Variants in ACOXL observed in about 807,000 individuals in gnomAD.
ACOXL encodes the protein acyl-coenzyme A oxidase-like protein.
Under a neutral mutation model 71.9 loss-of-function variants are expected in ACOXL, and 70 were observed. The ratio of observed to expected loss-of-function variants is 0.97; its 90% CI spans 0.80 to 1.19. ACOXL has a LOEUF of 1.19. Among genes scored for constraint, ACOXL ranks in the 50% most tolerant of loss-of-function variants. The pLI is 0.00. For synonymous variants in ACOXL, 253 were observed against 281.6 expected, an observed-to-expected ratio of 0.90 and a Z score of 1.02; for missense variants, 703 against 736.3, an observed-to-expected ratio of 0.95 and a Z score of 0.52.
At chr2:111,045,633 AT>A (rs1217689982) in intron 15 of ACOXL, among the ~76,000 whole-genome samples, 15 of 151,986 alleles carry the variant, frequency 9.9e-5, no homozygotes, top group African/African-American at 3.6e-4. Context: ...TGAAAACCTA[AT>A]GGTTTTCACC....
intron 3 of ACOXL, among the ~76,000 whole-genome samples, chr2:110,790,224 T>C (rs940132499): frequency 6.6e-6 from 1 of 152,200 alleles, no homozygotes; most frequent in East Asian, 1.9e-4. Context: ...TTCCAGGTAG[T>C]GGCTCCGTTG....
At chr2:110,848,237 T>G (rs1692155954) in intron 10 of ACOXL, among the ~76,000 whole-genome samples, 1 of 152,192 alleles carries the variant, frequency 6.6e-6, no homozygotes, top group Admixed American at 6.5e-5. Flanking sequence ...CTTTCTGCCC[T>G]TTTTTCCCCT....
In ACOXL at chr2:110,805,146, T is replaced by C. The variant is rs1458385087; in HGVS notation, c.621-117T>C. ...TCGGCGCTCTGTCTCAAGGGGGAAG[T>C]TCCACGATGGGGAAATCCGAGTGCT... On this transcript the variant is annotated intron_variant, in intron 8 of 17. Transcript: ENST00000439055. 9 of 1,380,506 alleles carry C rather than the reference T, an allele frequency of 6.5e-6. No individual in the cohort carries two copies. The African/African-American group carries it at 8.6e-5, about 13-fold the overall frequency. The allele number at this position is 1,380,506 out of a possible 1,614,324, so 85.5% of individuals were successfully genotyped here. A position where few individuals can be genotyped will look rare whatever the true frequency, so the allele number is the denominator to read the frequency against.
intron 11 of ACOXL, among the ~76,000 whole-genome samples, chr2:110,926,781 C>T (rs2060285838): frequency 6.6e-6 from 1 of 152,126 alleles, no homozygotes; most frequent in African/African-American, 2.4e-5. Context: ...GCCTTCCTTC[C>T]CTGTCATCTC....
At chr2:111,077,646 G>C (rs765684224) in intron 16 of ACOXL, among the ~76,000 whole-genome samples, 1 of 151,906 alleles carries the variant, frequency 6.6e-6, no homozygotes, top group Non-Finnish European at 1.5e-5. Context: ...TTTTCTCATT[G>C]GTAATTTTTT....
At chr2:110,784,579 G>A (rs963633082) in intron 2 of ACOXL, among the ~76,000 whole-genome samples, 153 bp from the exon 3 acceptor site, 4 of 152,198 alleles carry the variant, frequency 2.6e-5, no homozygotes, top group African/African-American at 9.7e-5. Flanking sequence ...ATTTACTTTA[G>A]TAGAATGATG....
At chr2:111,084,899 G>GAAA (rs113297442) in intron 16 of ACOXL, among the ~76,000 whole-genome samples, 2 of 112,916 alleles carry the variant, frequency 1.8e-5, no homozygotes, top group Non-Finnish European at 3.6e-5. Flanking sequence ...TGGAAAACAG[G>GAAA]AAAAAAAAAA....
rs557459733 is a variant in ACOXL at position 110,805,501 on chromosome 2, A to G, written c.753+106A>G. ...AGCTTCTGGAGCCACAGTTGGTATA[A>G]TATGGCCAGGGTTCCCGGTTAGATG... On this transcript the variant is annotated intron_variant, in intron 9 of 17. Coordinates refer to ENST00000439055, the MANE Select transcript of ACOXL (RefSeq NM_001142807.4). 32 of 1,487,024 alleles carry G rather than the reference A, an allele frequency of 2.2e-5. 1 individual carries two copies. In the South Asian group the frequency reaches 3.6e-4, roughly 17 times the overall value. The allele number at this position is 1,487,024 out of a possible 1,614,324, so 92.1% of individuals were successfully genotyped here.
At chr2:110,850,657 G>A (rs927720390) in intron 10 of ACOXL, among the ~76,000 whole-genome samples, 3 of 152,068 alleles carry the variant, frequency 2.0e-5, no homozygotes, top group Non-Finnish European at 4.4e-5. Flanking sequence ...AAAAAACCAC[G>A]CTGATAATAT....
At chr2:110,846,641 G>GCGCACA (rs148602789) in intron 10 of ACOXL, among the ~76,000 whole-genome samples, 1,634 of 138,000 alleles carry the variant, frequency 0.012, 18 homozygotes, top group South Asian at 0.045. Context: ...ATGCATACAC[G>GCGCACA]CACACACACA....
intron 14 of ACOXL, among the ~76,000 whole-genome samples, chr2:111,015,674 C>T (rs1374008616): frequency 6.6e-6 from 1 of 152,098 alleles, no homozygotes; most frequent in African/African-American, 2.4e-5. Context: ...CAGGAATGCT[C>T]ATAACAGCTT....
intron 10 of ACOXL, among the ~76,000 whole-genome samples, chr2:110,859,039 A>G (rs914344369): frequency 6.6e-6 from 1 of 152,252 alleles, no homozygotes. Context: ...TTAAAGGTCA[A>G]ATTGCAAAGT....
chr2:110,786,536 C>G (rs1446194498), intron 3 of ACOXL, among the ~76,000 whole-genome samples: 3 of 152,220 alleles, frequency 2.0e-5, no homozygotes, highest in Non-Finnish European at 4.4e-5. Flanking sequence ...GGTCCAGACT[C>G]TCATGATCCC....
chr2:110,916,333 G>A (rs972355946), intron 11 of ACOXL, among the ~76,000 whole-genome samples: 4 of 151,824 alleles, frequency 2.6e-5, no homozygotes, highest in Non-Finnish European at 5.9e-5. Context: ...TGAAATTAAG[G>A]CAGAAATAAA....
At chr2:110,811,805 G>A (rs1351844083) in intron 9 of ACOXL, among the ~76,000 whole-genome samples, 6 of 145,964 alleles carry the variant, frequency 4.1e-5, no homozygotes, top group African/African-American at 1.5e-4. Flanking sequence ...GAGAGAAGCA[G>A]GACCTACTTG....
At chr2:110,834,971 T>G (rs1690272574) in intron 9 of ACOXL, among the ~76,000 whole-genome samples, 1 of 152,232 alleles carries the variant, frequency 6.6e-6, no homozygotes, top group African/African-American at 2.4e-5. Flanking sequence ...TCAGGCTCTT[T>G]GTGGGGAGCA....
At chr2:110,973,874 T>C in intron 12 of ACOXL, among the ~76,000 whole-genome samples, 1 of 152,214 alleles carries the variant, frequency 6.6e-6, no homozygotes, top group East Asian at 1.9e-4. Flanking sequence ...CTTAACAGCC[T>C]GGCCAGGCAG....
At chr2:110,909,667 A>G (rs1358315115) in intron 11 of ACOXL, among the ~76,000 whole-genome samples, 1 of 151,478 alleles carries the variant, frequency 6.6e-6, no homozygotes, top group Admixed American at 6.6e-5. Context: ...TTTGAAATTT[A>G]ACATGCTGAT....
At chr2:110,867,546 A>G (rs1053631328) in intron 10 of ACOXL, among the ~76,000 whole-genome samples, 1 of 151,818 alleles carries the variant, frequency 6.6e-6, no homozygotes, top group African/African-American at 2.4e-5. Context: ...GTGCCCATTT[A>G]TTTTTCTTGC....
Sources: gnomAD v4.1 joint callset for allele counts (sites outside exome capture counted in the v4.1 genomes callset) on GRCh38, gnomAD v4.1.1 for gene constraint, MANE v1.5 for transcripts, NCBI Gene and HGNC (gene_info 2026-07-23, HGNC 2026-07-21) for gene names.